The following ACOXL variants were observed in gnomAD, a reference collection of about 807,000 sequenced individuals.
ACOXL encodes the protein acyl-coenzyme A oxidase-like protein.
ACOXL carries 70 observed loss-of-function variants against 71.9 expected under a neutral mutation model. That is an observed-to-expected ratio of 0.97 (90% CI 0.80 to 1.19). ACOXL has a LOEUF of 1.19. Among genes scored for constraint, ACOXL ranks in the 50% most tolerant of loss-of-function variants. The pLI, the probability that ACOXL is intolerant of heterozygous loss-of-function variation, is 0.00. For synonymous variants in ACOXL, 253 were observed against 281.6 expected (o/e 0.90, Z 1.02); for missense variants, 703 against 736.3 (o/e 0.95, Z 0.52).
chr2:110,925,389 A>G (rs2060232131), intron 11 of ACOXL, among the ~76,000 whole-genome samples: 1 of 152,234 alleles, frequency 6.6e-6, no homozygotes, highest in Non-Finnish European at 1.5e-5. Flanking sequence ...AGCCACTGTA[A>G]TCACTGATTT....
Position 110,995,780 on chromosome 2 carries a change from C to T in ACOXL, c.1170-113C>T, listed in dbSNP as rs1370150629. The T allele has an allele frequency of 4.2e-6, 3 of 720,316 alleles. No individual in the cohort carries two copies. In the Admixed American group the frequency reaches 6.9e-5, roughly 16 times the overall value. 44.6% of individuals were successfully genotyped at this position (720,316 alleles called of 1,614,324 possible). A position where few individuals can be genotyped will look rare whatever the true frequency, so the allele number is the denominator to read the frequency against. The stretch of plus-strand genomic sequence containing the variant: ...GATGGGGAGATTATGTCTATTGACA[C>T]TATTTTTCTACAGAAAAAAATAGTT... On this transcript the variant is annotated intron_variant, in intron 13 of 17. Transcript: ENST00000439055.
chr2:110,878,249 G>A (rs1436135283), intron 10 of ACOXL, among the ~76,000 whole-genome samples: 2 of 152,088 alleles, frequency 1.3e-5, no homozygotes, highest in Non-Finnish European at 1.5e-5. Context: ...AAATAAAGAG[G>A]ACTTTTACAA....
chr2:110,959,324 T>C (rs980307417), intron 12 of ACOXL, among the ~76,000 whole-genome samples: 1 of 152,142 alleles, frequency 6.6e-6, no homozygotes, highest in African/African-American at 2.4e-5. Flanking sequence ...ATATTCAGCT[T>C]CAGAAGTCCT....
intron 13 of ACOXL, among the ~76,000 whole-genome samples, chr2:110,988,327 G>T (rs769519311): frequency 6.6e-6 from 1 of 152,150 alleles, no homozygotes; most frequent in Non-Finnish European, 1.5e-5. Context: ...TGTGGTCCCA[G>T]CTGCTTGGGA....
At chr2:110,818,235 TAC>T (rs1688144658) in intron 9 of ACOXL, among the ~76,000 whole-genome samples, 1 of 151,444 alleles carries the variant, frequency 6.6e-6, no homozygotes. Flanking sequence ...CTACTAAAAT[TAC>T]AAAAATTAGC....
At chr2:110,866,770 C>T (rs1036177214) in intron 10 of ACOXL, among the ~76,000 whole-genome samples, 4 of 152,172 alleles carry the variant, frequency 2.6e-5, no homozygotes, top group African/African-American at 4.8e-5. Context: ...CCAGCTCACC[C>T]ACCGCCCCAT....
chr2:110,853,111 C>T lies in ACOXL; in HGVS notation c.788+11706C>T, dbSNP rs140706930. Among the ~76,000 whole-genome samples the T allele has an allele frequency of 1.9e-3, 285 of 152,290 alleles. 1 individual carries two copies. Among genetic ancestry groups the T allele is most frequent in the African/African-American group, 6.8e-3 (281 of 41,556 alleles). On this transcript the variant is annotated intron_variant, in intron 10 of 17. Coordinates refer to ENST00000439055, the MANE Select transcript of ACOXL (RefSeq NM_001142807.4). ...AGTGCCGGGCCTCGGGCGGGGTGGT[C>T]CATCTTGGTGGCTGTTTACTTAATC... is the stretch of plus-strand genomic sequence containing the variant.
rs139959005 is a variant in ACOXL at position 110,886,268 on chromosome 2, A to T, written c.789-22521A>T. 2.0e-3 allele frequency among the ~76,000 whole-genome samples: 306 copies of T among 152,136 alleles called. 2 individuals are homozygous for T. The highest frequency in any genetic ancestry group is 7.2e-3 in the African/African-American group (297 of 41,502). Reference sequence around the variant, plus strand: ...ATATATTATTTTAATGTTAAAAACTAGTTTGGCATTTTTAACCATGGGTCG... The same window carrying T: ...ATATATTATTTTAATGTTAAAAACTTGTTTGGCATTTTTAACCATGGGTCG... On this transcript the variant is annotated intron_variant, in intron 10 of 17. Coordinates refer to ENST00000439055, the MANE Select transcript of ACOXL (RefSeq NM_001142807.4).
intron 14 of ACOXL, among the ~76,000 whole-genome samples, chr2:111,025,770 A>G (rs965021001): frequency 1.3e-5 from 2 of 152,164 alleles, no homozygotes; most frequent in African/African-American, 4.8e-5. Context: ...CATTTGCTTC[A>G]CAGTGTATTT....
chr2:110,943,457 G>C lies in ACOXL; in HGVS notation c.1059+9815G>C, dbSNP rs142215463. Among the ~76,000 whole-genome samples the C allele has an allele frequency of 1.3e-3, 194 of 152,240 alleles. 5 individuals carry two copies. The East Asian group carries it at 0.031, about 24-fold the overall frequency. Reference sequence around the variant, plus strand: ...TGATTTATCTGACCCTAGAGCCCACGGTGATATGGTGAAGCTACAACCAGA... The same window carrying C: ...TGATTTATCTGACCCTAGAGCCCACCGTGATATGGTGAAGCTACAACCAGA... On this transcript the variant is annotated intron_variant, in intron 12 of 17. Transcript: ENST00000439055.
intron 12 of ACOXL, among the ~76,000 whole-genome samples, chr2:110,963,128 G>T (rs1040965073): frequency 6.6e-6 from 1 of 152,128 alleles, no homozygotes; most frequent in Admixed American, 6.5e-5. Context: ...AATTGATGGC[G>T]CAGAGTATTT....
chr2:110,963,722 C>T (rs528918615), intron 12 of ACOXL: 31 of 1,613,442 alleles, frequency 1.9e-5, no homozygotes, highest in Middle Eastern at 1.6e-4. Flanking sequence ...AGGTAAGATT[C>T]GGGAAATGTT....
intron 12 of ACOXL, chr2:110,968,523 C>T (rs577976343): frequency 5.1e-5 from 65 of 1,269,818 alleles, no homozygotes; most frequent in African/African-American, 4.6e-4. Context: ...CAAAGAACAG[C>T]GTAACTCCAG....
rs185922425 is a variant in ACOXL at position 110,967,632 on chromosome 2, G to A, written c.1060-19476G>A. 9.2e-5 allele frequency among the ~76,000 whole-genome samples: 14 copies of A among 152,286 alleles called. No individual in the cohort carries two copies. In the East Asian group the frequency reaches 2.5e-3, roughly 27 times the overall value. On this transcript the variant is annotated intron_variant, in intron 12 of 17. Coordinates refer to ENST00000439055, the MANE Select transcript of ACOXL (RefSeq NM_001142807.4). ...AAGACTATATAATGTGATACTGTGA[G>A]GTTCTGGGGGAAAACCTGAAAGAAA... is the stretch of plus-strand genomic sequence containing the variant.
intron 10 of ACOXL, among the ~76,000 whole-genome samples, chr2:110,895,775 A>G (rs1159382904): frequency 6.6e-6 from 1 of 152,174 alleles, no homozygotes; most frequent in Non-Finnish European, 1.5e-5. Context: ...TGAAAGAACT[A>G]TCGAGCCAGA....
chr2:111,035,507 C>T (rs2065468578), intron 15 of ACOXL, among the ~76,000 whole-genome samples: 1 of 152,176 alleles, frequency 6.6e-6, no homozygotes, highest in Non-Finnish European at 1.5e-5. Context: ...AAATTACATC[C>T]ACTACTTTCC....
At chr2:111,074,807 C>A (rs965972191) in intron 16 of ACOXL, among the ~76,000 whole-genome samples, 1 of 152,118 alleles carries the variant, frequency 6.6e-6, no homozygotes, top group East Asian at 1.9e-4. Context: ...GTTGTCCCAG[C>A]TTGTCTCAAA....
At chr2:110,747,431 G>A (rs921831647) in intron 1 of ACOXL, among the ~76,000 whole-genome samples, 1 of 152,168 alleles carries the variant, frequency 6.6e-6, no homozygotes, top group Non-Finnish European at 1.5e-5. Context: ...CCACAGGACT[G>A]GGTGCATCCT....
chr2:111,023,282 A>G (rs1173019932), intron 14 of ACOXL, among the ~76,000 whole-genome samples: 2 of 152,078 alleles, frequency 1.3e-5, no homozygotes, highest in Non-Finnish European at 2.9e-5. Context: ...AGGACATACA[A>G]ATGGATCTGG....
Sources: allele counts gnomAD v4.1 joint callset (sites outside exome capture counted in the v4.1 genomes callset), GRCh38; gene constraint gnomAD v4.1.1; transcripts MANE v1.5; gene names NCBI Gene and HGNC (gene_info 2026-07-23, HGNC 2026-07-21).